The following COL14A1 variants were observed in gnomAD, a reference collection of about 807,000 sequenced individuals.
The protein encoded by COL14A1 is collagen type XIV alpha 1 chain.
COL14A1 carries 136 observed loss-of-function variants against 230.3 expected under a neutral mutation model. The ratio of observed to expected loss-of-function variants is 0.59; its 90% CI spans 0.51 to 0.68. The LOEUF (loss-of-function observed/expected upper bound fraction) is 0.68, where lower values mean the gene tolerates loss of function less well. Among genes scored for constraint, COL14A1 ranks in the 30% least tolerant of loss-of-function variants. The probability of loss-of-function intolerance (pLI) is 0.00; values close to 1 mark genes in which losing one functional copy is unlikely to be tolerated. For synonymous variants in COL14A1, 792 were observed against 784.1 expected (o/e 1.01, Z -0.17); for missense variants, 1,976 against 2,215.8 (o/e 0.89, Z 2.17).
chr8:120,286,535 A>G (rs1014685845), intron 33 of COL14A1, among the ~76,000 whole-genome samples: 1 of 152,032 alleles, frequency 6.6e-6, no homozygotes, highest in Non-Finnish European at 1.5e-5. Context: ...TTTGAGATGG[A>G]GTCTTGCTCT....
intron 45 of COL14A1, among the ~76,000 whole-genome samples, chr8:120,355,445 C>T (rs747458388): frequency 3.3e-5 from 5 of 151,232 alleles, no homozygotes; most frequent in Non-Finnish European, 7.4e-5. Flanking sequence ...TTGCTTTGTC[C>T]CCCAGACTGG....
Position 120,310,077 on chromosome 8 carries a change from TTCTCTCTCTCTCTGTCTCATC to T in COL14A1, c.4455+29_4455+49del. On this transcript the variant is annotated intron_variant, in intron 37 of 47. Transcript: ENST00000297848. Reference sequence around the variant, plus strand: ...CGGGTCCAAAGGTAATGCGCATGTTTTCTCTCTCTCTCTGTCTCATCTCTCTCTCTCTCTCATAAATAGCCA... The same window carrying T: ...CGGGTCCAAAGGTAATGCGCATGTTTTCTCTCTCTCTCTCATAAATAGCCA... 6.2e-7 allele frequency: 1 copy of T among 1,600,392 alleles called. No homozygotes were observed. The highest frequency in any genetic ancestry group is 8.5e-7 in the Non-Finnish European group (1 of 1,170,816).
intron 22 of COL14A1, among the ~76,000 whole-genome samples, chr8:120,251,527 C>T (rs72678211): frequency 2.0e-5 from 3 of 152,278 alleles, no homozygotes; most frequent in Non-Finnish European, 4.4e-5. Flanking sequence ...CCATCTGGGA[C>T]TCCTTAGTGG....
At chr8:120,292,456 G>T (rs1300983454) in intron 34 of COL14A1, among the ~76,000 whole-genome samples, 2 of 152,202 alleles carry the variant, frequency 1.3e-5, no homozygotes, top group South Asian at 2.1e-4. Context: ...TTTTCAGTCT[G>T]CCCACTTACT....
chr8:120,327,568 CA>C (rs1174506333), intron 40 of COL14A1, among the ~76,000 whole-genome samples: 4 of 152,116 alleles, frequency 2.6e-5, no homozygotes, highest in African/African-American at 9.7e-5. Flanking sequence ...AATGAAATTT[CA>C]GCTTCTGAGA....
chr8:120,364,909 A>G (rs1306641187), intron 45 of COL14A1, among the ~76,000 whole-genome samples: 1 of 151,906 alleles, frequency 6.6e-6, no homozygotes, highest in Non-Finnish European at 1.5e-5. Flanking sequence ...AAAAGAAAAG[A>G]AAGAAAAAAA....
chr8:120,273,859 C>T (rs1819754741), intron 26 of COL14A1, among the ~76,000 whole-genome samples: 1 of 149,588 alleles, frequency 6.7e-6, no homozygotes, highest in Admixed American at 6.7e-5. Flanking sequence ...TACTACCAGA[C>T]ATTCAAAGAA....
At chr8:120,310,154 C>T in intron 37 of COL14A1, 92 bp downstream of exon 37, 1 of 1,298,364 alleles carries the variant, frequency 7.7e-7, no homozygotes, top group African/African-American at 1.5e-5. Flanking sequence ...ACTTATTTCA[C>T]CCTTGCAATC....
At chr8:120,281,303 T>A (rs1412140155) in intron 31 of COL14A1, among the ~76,000 whole-genome samples, 1 of 152,164 alleles carries the variant, frequency 6.6e-6, no homozygotes, top group Non-Finnish European at 1.5e-5. Context: ...GGCTCATTCC[T>A]GTAATCGTAA....
intron 2 of COL14A1, among the ~76,000 whole-genome samples, chr8:120,152,496 A>G (rs1815322926): frequency 7.1e-6 from 1 of 141,626 alleles, no homozygotes; most frequent in Non-Finnish European, 1.5e-5. Context: ...AAAAAAAAAG[A>G]CATACAGGAA....
chr8:120,133,180 C>T (rs1214655366), intron 1 of COL14A1, among the ~76,000 whole-genome samples: 2 of 149,842 alleles, frequency 1.3e-5, no homozygotes, highest in Non-Finnish European at 3.0e-5. Flanking sequence ...CGCGCCACTG[C>T]ACTCCAGCCT....
intron 19 of COL14A1, among the ~76,000 whole-genome samples, chr8:120,234,463 T>C (rs1418978655): frequency 6.6e-6 from 1 of 152,216 alleles, no homozygotes; most frequent in Non-Finnish European, 1.5e-5. Flanking sequence ...CATAAATAGC[T>C]CTTTTTATTT....
At chr8:120,224,937 A>G in intron 14 of COL14A1, 151 bp from the exon 15 acceptor site, 1 of 605,292 alleles carries the variant, frequency 1.7e-6, no homozygotes, top group Non-Finnish European at 2.7e-6. Flanking sequence ...AAGATCAGAA[A>G]TGTTCATACA....
At chr8:120,236,818 GA>G (rs980941187) in intron 19 of COL14A1, among the ~76,000 whole-genome samples, 1 of 152,092 alleles carries the variant, frequency 6.6e-6, no homozygotes, top group South Asian at 2.1e-4. Flanking sequence ...GCCTGGGGGT[GA>G]AAAAATCCCT....
intron 1 of COL14A1, among the ~76,000 whole-genome samples, chr8:120,139,243 G>A (rs918727926): frequency 3.3e-5 from 5 of 151,980 alleles, no homozygotes; most frequent in Non-Finnish European, 5.9e-5. Flanking sequence ...TTTTTCTTTC[G>A]TATAAAATAT....
intron 47 of COL14A1, chr8:120,370,217 C>A (rs1823539573): frequency 4.8e-6 from 5 of 1,051,796 alleles, no homozygotes; most frequent in African/African-American, 1.6e-5. Flanking sequence ...AAATTTTCTG[C>A]TTCAGTAGAA....
In COL14A1 at chr8:120,337,632, C is replaced by T. The variant is rs560710697; in HGVS notation, c.4786-3693C>T. Among the ~76,000 whole-genome samples, 147 of 152,142 alleles carry T rather than the reference C, an allele frequency of 9.7e-4. 1 individual carries two copies. The highest frequency in any genetic ancestry group is 3.3e-3 in the African/African-American group (138 of 41,510). Reference sequence around the variant, plus strand: ...TCCTCTTCCTTCCAGCGCTAAAATTCGGTGAATCTATGAATGTAGCTGCTG... The same window carrying T: ...TCCTCTTCCTTCCAGCGCTAAAATTTGGTGAATCTATGAATGTAGCTGCTG... On this transcript the variant is annotated intron_variant, in intron 42 of 47. Coordinates refer to ENST00000297848, the MANE Select transcript of COL14A1 (RefSeq NM_021110.4).
intron 40 of COL14A1, among the ~76,000 whole-genome samples, chr8:120,327,829 A>G (rs1408129616): frequency 2.6e-5 from 4 of 151,600 alleles, no homozygotes; most frequent in African/African-American, 9.7e-5. Context: ...CAGTGGTGCA[A>G]TCTTGGCTCA....
At chr8:120,192,073 T>C (rs1586752436) in intron 5 of COL14A1, among the ~76,000 whole-genome samples, 1 of 152,102 alleles carries the variant, frequency 6.6e-6, no homozygotes, top group African/African-American at 2.4e-5. Flanking sequence ...TATGTGTGAA[T>C]TTGATCCTGT....
Sources: allele counts gnomAD v4.1 joint callset (sites outside exome capture counted in the v4.1 genomes callset), GRCh38; gene constraint gnomAD v4.1.1; transcripts MANE v1.5; gene names NCBI Gene and HGNC (gene_info 2026-07-23, HGNC 2026-07-21).